Variants in PDE6A observed in about 807,000 individuals in gnomAD.
The protein encoded by PDE6A is rod cGMP-specific 3',5'-cyclic phosphodiesterase subunit alpha.
A neutral mutation model predicts 106.3 loss-of-function variants in PDE6A; 84 were observed. That is an observed-to-expected ratio of 0.79 (90% CI 0.66 to 0.95). The LOEUF is 0.95. Among genes scored for constraint, PDE6A ranks in the 40% least tolerant of loss-of-function variants. The probability of loss-of-function intolerance (pLI) is 0.00; values close to 1 mark genes in which losing one functional copy is unlikely to be tolerated. For missense variants in PDE6A, 1,052 were observed against 1,084.9 expected (o/e 0.97, Z 0.43); for synonymous variants, 394 against 386.6 (o/e 1.02, Z -0.23).
At chr5:149,873,947 A>G (rs1031359310) in intron 17 of PDE6A, among the ~76,000 whole-genome samples, 5 of 151,812 alleles carry the variant, frequency 3.3e-5, no homozygotes, top group African/African-American at 1.2e-4. Context: ...TTGAGGCTAC[A>G]GTGAGCTATG....
At chr5:149,887,172 T>C (rs1752336005) in intron 13 of PDE6A, among the ~76,000 whole-genome samples, 1 of 152,206 alleles carries the variant, frequency 6.6e-6, no homozygotes, top group Admixed American at 6.5e-5. Flanking sequence ...TCCAAGGATA[T>C]TGTGGCACTG....
At chr5:149,879,831 G>A (rs938496263) in intron 17 of PDE6A, among the ~76,000 whole-genome samples, 8 of 151,250 alleles carry the variant, frequency 5.3e-5, no homozygotes, top group South Asian at 2.1e-4. Flanking sequence ...TGCTTTTTTC[G>A]TGCTCTCTTT....
intron 17 of PDE6A, among the ~76,000 whole-genome samples, chr5:149,879,503 C>A (rs1041556930): frequency 6.6e-6 from 1 of 150,960 alleles, no homozygotes; most frequent in Non-Finnish European, 1.5e-5. Context: ...TATACATGTG[C>A]CATGCTGGTG....
intron 5 of PDE6A, among the ~76,000 whole-genome samples, chr5:149,920,986 G>GAA (rs1483384519): frequency 7.5e-6 from 1 of 134,128 alleles, no homozygotes; most frequent in Admixed American, 7.2e-5. Flanking sequence ...AAGAAAGAAA[G>GAA]AAAGAAAGAA....
At chr5:149,912,234 C>T (rs1402004070) in intron 6 of PDE6A, among the ~76,000 whole-genome samples, 1 of 152,222 alleles carries the variant, frequency 6.6e-6, no homozygotes, top group African/African-American at 2.4e-5. Context: ...CCTCCTGCCT[C>T]AGCCTCCTGA....
At chr5:149,914,674 T>C (rs1581196589) in intron 6 of PDE6A, among the ~76,000 whole-genome samples, 1 of 142,896 alleles carries the variant, frequency 7.0e-6, no homozygotes, top group Admixed American at 7.0e-5. Context: ...AAAAAAAAGG[T>C]AGCAGTAACC....
chr5:149,897,459 A>G (rs1752796369), intron 10 of PDE6A, among the ~76,000 whole-genome samples: 1 of 152,262 alleles, frequency 6.6e-6, no homozygotes, highest in South Asian at 2.1e-4. Context: ...CAAGCAAACC[A>G]TGAGGCAATT....
At chr5:149,907,051 C>T (rs1192460848) in intron 7 of PDE6A, among the ~76,000 whole-genome samples, 1 of 152,194 alleles carries the variant, frequency 6.6e-6, no homozygotes, top group African/African-American at 2.4e-5. Flanking sequence ...GGATTATAGG[C>T]GTGAGCCACT....
intron 7 of PDE6A, among the ~76,000 whole-genome samples, chr5:149,903,949 A>G (rs149091485): frequency 2.3e-4 from 35 of 152,366 alleles, no homozygotes; most frequent in Admixed American, 5.2e-4. Context: ...AGTTAAGGCT[A>G]CAATTTGTCA....
intron 1 of PDE6A, among the ~76,000 whole-genome samples, chr5:149,936,022 C>T (rs746916850): frequency 1.3e-5 from 2 of 152,074 alleles, no homozygotes; most frequent in African/African-American, 2.4e-5. Context: ...GGTGTGGTGA[C>T]ATGTGCCTGT....
intron 17 of PDE6A, among the ~76,000 whole-genome samples, 164 bp downstream of exon 17, chr5:149,883,258 ACATGTGG>A (rs1269140645): frequency 1.3e-5 from 2 of 152,314 alleles, no homozygotes; most frequent in Admixed American, 6.5e-5. Context: ...TAAAGATTAA[ACATGTGG>A]CTTGTGCAAT....
At chr5:149,897,271 A>C (rs752481550) in intron 10 of PDE6A, among the ~76,000 whole-genome samples, 45 of 152,332 alleles carry the variant, frequency 3.0e-4, no homozygotes, top group Admixed American at 5.9e-4. Flanking sequence ...ACTTGAGGCA[A>C]GTTCCTTCTC....
intron 6 of PDE6A, among the ~76,000 whole-genome samples, chr5:149,911,739 C>T (rs1364303319): frequency 6.7e-6 from 1 of 148,922 alleles, no homozygotes; most frequent in Non-Finnish European, 1.5e-5. Flanking sequence ...CAGCTTATGC[C>T]TATAATCTGA....
chr5:149,879,012 CTT>C (rs1760835925), intron 17 of PDE6A, among the ~76,000 whole-genome samples: 2 of 152,060 alleles, frequency 1.3e-5, no homozygotes, highest in Admixed American at 1.3e-4. Context: ...AATTTTATGA[CTT>C]ACGATTTTCA....
intron 6 of PDE6A, among the ~76,000 whole-genome samples, chr5:149,914,159 G>C (rs539710960): frequency 3.5e-4 from 53 of 152,292 alleles, no homozygotes; most frequent in Non-Finnish European, 7.2e-4. Context: ...CCCTGGCTGT[G>C]AGATTGGGAC....
intron 1 of PDE6A, among the ~76,000 whole-genome samples, chr5:149,938,259 G>C (rs1239466572): frequency 1.3e-5 from 2 of 152,146 alleles, no homozygotes; most frequent in East Asian, 3.8e-4. Flanking sequence ...TATTGAATAA[G>C]GTCCTCTGTG....
rs1456157882 is a variant in PDE6A, at chr5:149,868,253, G to A, written c.2136-95C>T. On this transcript the variant is annotated intron_variant, in intron 17 of 21. Coordinates refer to ENST00000255266, the MANE Select transcript of PDE6A (RefSeq NM_000440.3). ...CTCTCACCTTTCTCCACCCCCACTA[G>A]TAGGTGACTTTGTCTCATTGTGAGG... 9.7e-6 allele frequency: 12 copies of A among 1,239,280 alleles called. No individual in the cohort carries two copies. In the South Asian group the frequency reaches 1.5e-4, roughly 15 times the overall value. The allele number at this position is 1,239,280 out of a possible 1,614,324, so 76.8% of individuals were successfully genotyped here. A position where few individuals can be genotyped will look rare whatever the true frequency, so the allele number is the denominator to read the frequency against.
chr5:149,939,684 A>G (rs1429957010), intron 1 of PDE6A, among the ~76,000 whole-genome samples: 3 of 152,222 alleles, frequency 2.0e-5, no homozygotes. Context: ...ATTTTATAAA[A>G]TAGGAAATAA....
At chr5:149,898,336 T>C in intron 10 of PDE6A, 27 bp downstream of exon 10, 1 of 1,609,452 alleles carries the variant, frequency 6.2e-7, no homozygotes, top group Non-Finnish European at 8.5e-7. Flanking sequence ...TGTATTAGAG[T>C]AGAAACAAGT....
Sources: gnomAD v4.1 joint callset for allele counts (sites outside exome capture counted in the v4.1 genomes callset) on GRCh38, gnomAD v4.1.1 for gene constraint, MANE v1.5 for transcripts, NCBI Gene and HGNC (gene_info 2026-07-23, HGNC 2026-07-21) for gene names.